The following ITIH5 variants were observed in gnomAD, a reference collection of about 807,000 sequenced individuals.
ITIH5 encodes the protein inter-alpha-trypsin inhibitor heavy chain H5.
ITIH5 carries 65 observed loss-of-function variants against 77.5 expected under a neutral mutation model. The ratio of observed to expected loss-of-function variants is 0.84; its 90% CI spans 0.69 to 1.03. The LOEUF is 1.03. Ranked by LOEUF, ITIH5 falls within the 50% of genes least tolerant of loss-of-function variation. The pLI, the probability that ITIH5 is intolerant of heterozygous loss-of-function variation, is 0.00. For missense variants in ITIH5, 1,208 were observed against 1,213.1 expected (o/e 1.00, Z 0.06); for synonymous variants, 525 against 494.3 (o/e 1.06, Z -0.82).
At chr10:7,572,362 T>C (rs569921605) in intron 11 of ITIH5, 2 of 1,367,384 alleles carry the variant, frequency 1.5e-6, no homozygotes, top group Non-Finnish European at 2.0e-6. Flanking sequence ...TTTCATGACA[T>C]TTGAAAAAAT....
intron 7 of ITIH5, among the ~76,000 whole-genome samples, chr10:7,614,413 G>A (rs940387631): frequency 1.3e-5 from 2 of 152,186 alleles, no homozygotes; most frequent in Admixed American, 1.3e-4. Context: ...TGCAGCTCAG[G>A]TCAGCTTTGA....
chr10:7,651,195 T>A (rs906433355), intron 2 of ITIH5, among the ~76,000 whole-genome samples: 2 of 152,170 alleles, frequency 1.3e-5, no homozygotes, highest in Non-Finnish European at 2.9e-5. Context: ...GGCTGGCTTG[T>A]TCCTAGGAAC....
chr10:7,565,333 T>C (rs1832126942), intron 13 of ITIH5, among the ~76,000 whole-genome samples: 1 of 148,016 alleles, frequency 6.8e-6, no homozygotes, highest in Admixed American at 6.8e-5. Context: ...ACATCACACA[T>C]ACAAAGATGG....
intron 2 of ITIH5, among the ~76,000 whole-genome samples, 196 bp from the exon 3 acceptor site, chr10:7,642,286 T>C (rs1285586056): frequency 6.6e-6 from 1 of 152,208 alleles, no homozygotes; most frequent in African/African-American, 2.4e-5. Context: ...CAACCTTGGT[T>C]GTTTTGCATA....
At chr10:7,572,442 G>C (rs1356388349) in intron 11 of ITIH5, 1 of 1,346,678 alleles carries the variant, frequency 7.4e-7, no homozygotes, top group East Asian at 4.6e-5. Context: ...TGTCACACCA[G>C]ACATTTTTAT....
rs1256961547 is a variant in ITIH5, at chr10:7,566,737, AAAAAG to A, written c.2150-335_2150-331del. On this transcript the variant is annotated intron_variant, in intron 12 of 13. Coordinates refer to ENST00000397146, the MANE Select transcript of ITIH5 (RefSeq NM_030569.7). The stretch of plus-strand genomic sequence containing the variant: ...ATCCTATCTCATTAAAAAAAAAAAA[AAAAAG>A]AAGAAGAAGAAGAAGAAGAAGAAAG... Among the ~76,000 whole-genome samples the A allele has an allele frequency of 6.0e-5, 2 of 33,364 alleles. 1 individual carries two copies. The highest frequency in any genetic ancestry group is 1.2e-4 in the Non-Finnish European group (2 of 16,096). 21.9% of individuals were successfully genotyped at this position (33,364 alleles called of 152,430 possible). A position where few individuals can be genotyped will look rare whatever the true frequency, so the allele number is the denominator to read the frequency against.
chr10:7,626,874 T>C (rs998895609), intron 5 of ITIH5, among the ~76,000 whole-genome samples: 2 of 152,214 alleles, frequency 1.3e-5, no homozygotes, highest in Admixed American at 1.3e-4. Flanking sequence ...TTTTGTCTCT[T>C]AATCCCTGCT....
chr10:7,563,514 A>T, intron 13 of ITIH5, 130 bp from the exon 14 acceptor site: 1 of 716,944 alleles, frequency 1.4e-6, no homozygotes. Flanking sequence ...TCTCCCAGTG[A>T]CATGGAAGAA....
chr10:7,612,766 T>C (rs1588398868), intron 7 of ITIH5, among the ~76,000 whole-genome samples: 1 of 151,910 alleles, frequency 6.6e-6, no homozygotes, highest in Non-Finnish European at 1.5e-5. Flanking sequence ...ACCCTCTCAG[T>C]AACTGTTAAG....
At chr10:7,577,867 A>C (rs1237170705) in intron 9 of ITIH5, among the ~76,000 whole-genome samples, 1 of 152,184 alleles carries the variant, frequency 6.6e-6, no homozygotes, top group Non-Finnish European at 1.5e-5. Context: ...GCTGTCCCTG[A>C]AAGTCCATTT....
intron 7 of ITIH5, among the ~76,000 whole-genome samples, chr10:7,604,823 T>G (rs1234756017): frequency 1.1e-4 from 1 of 8,722 alleles, no homozygotes; most frequent in Admixed American, 2.9e-3. Context: ...AATGTAAGAT[T>G]GTTTCATTTT....
intron 8 of ITIH5, among the ~76,000 whole-genome samples, chr10:7,582,594 T>C (rs949303795): frequency 1.3e-5 from 2 of 152,164 alleles, no homozygotes; most frequent in African/African-American, 4.8e-5. Context: ...GAGTGACTTT[T>C]CTCTACCTGC....
At chr10:7,602,830 A>G (rs553633486) in intron 7 of ITIH5, among the ~76,000 whole-genome samples, 2 of 152,112 alleles carry the variant, frequency 1.3e-5, no homozygotes, top group African/African-American at 4.8e-5. Flanking sequence ...ACTAAGCCAC[A>G]CTACTTCTTC....
intron 11 of ITIH5, 173 bp downstream of exon 11, chr10:7,572,969 G>C: frequency 1.8e-6 from 1 of 568,724 alleles, no homozygotes; most frequent in East Asian, 3.1e-5. Flanking sequence ...GTAGAGACGA[G>C]GTTTCACCAT....
chr10:7,656,494 G>A (rs1281005348), intron 1 of ITIH5, among the ~76,000 whole-genome samples: 2 of 151,984 alleles, frequency 1.3e-5, no homozygotes, highest in Non-Finnish European at 2.9e-5. Context: ...AGATTTATAG[G>A]CGTGAGCCAC....
At chr10:7,570,240 A>T (rs1277802923) in intron 11 of ITIH5, 1 of 152,770 alleles carries the variant, frequency 6.5e-6, no homozygotes. Context: ...TTCTTCTCCC[A>T]GGAAGCCATG....
intron 5 of ITIH5, among the ~76,000 whole-genome samples, chr10:7,635,830 T>C (rs756702461): frequency 1.8e-3 from 270 of 152,300 alleles, no homozygotes; most frequent in Non-Finnish European, 2.7e-3. Flanking sequence ...ACGCTCTCTC[T>C]CTTCTCCTGC....
chr10:7,612,007 T>A (rs1032224063), intron 7 of ITIH5, among the ~76,000 whole-genome samples: 1 of 152,006 alleles, frequency 6.6e-6, no homozygotes, highest in African/African-American at 2.4e-5. Context: ...GTAACAGTTT[T>A]AAATGTTATA....
chr10:7,590,273 A>C (rs1832767553), intron 7 of ITIH5, among the ~76,000 whole-genome samples: 2 of 151,958 alleles, frequency 1.3e-5, no homozygotes, highest in South Asian at 2.1e-4. Flanking sequence ...ATCCTTCAAC[A>C]CCACCCTGGA....
Sources: gnomAD v4.1 joint callset for allele counts (sites outside exome capture counted in the v4.1 genomes callset) on GRCh38, gnomAD v4.1.1 for gene constraint, MANE v1.5 for transcripts, NCBI Gene and HGNC (gene_info 2026-07-23, HGNC 2026-07-21) for gene names.